Variants in WDFY4 observed in about 807,000 individuals in gnomAD.
The protein encoded by WDFY4 is WD repeat- and FYVE domain-containing protein 4.
Under a neutral mutation model 351.9 loss-of-function variants are expected in WDFY4, and 169 were observed. That is an observed-to-expected ratio of 0.48 (90% CI 0.42 to 0.55). WDFY4 has a LOEUF of 0.55. Among genes scored for constraint, WDFY4 ranks in the 20% least tolerant of loss-of-function variants. WDFY4 has a pLI of 0.00. For missense variants in WDFY4, 3,803 were observed against 3,935.6 expected (o/e 0.97, Z 0.90); for synonymous variants, 1,622 against 1,574.6 (o/e 1.03, Z -0.71).
At chr10:48,840,710 C>G (rs2068575297) in intron 39 of WDFY4, among the ~76,000 whole-genome samples, 1 of 152,184 alleles carries the variant, frequency 6.6e-6, no homozygotes, top group Non-Finnish European at 1.5e-5. Flanking sequence ...ATCACCAGTA[C>G]AGCATTAGTA....
In WDFY4 at chr10:48,805,393, G is replaced by A. The variant is rs1319542175; in HGVS notation, c.4618G>A (p.Gly1540Ser). The A allele has an allele frequency of 1.3e-6, 2 of 1,549,064 alleles. No homozygotes were observed. Among genetic ancestry groups the A allele is most frequent in the African/African-American group, 1.4e-5 (1 of 73,016 alleles). The change falls in exon 26 of 62, where the codon GGC becomes AGC. Residue 1540 changes from glycine (G) to serine (S), a missense_variant. Coordinates refer to ENST00000325239, the MANE Select transcript of WDFY4 (RefSeq NM_001394531.1). ...IIGILACQLR[G>S]HFSTQDLLRI... ...TGGCATCCTGGCCTGTCAGCTGAGG[G>A]GCCACTTCAGCACCCAGGACTTGCT...
chr10:48,765,849 T>G (rs1466316410), intron 13 of WDFY4, among the ~76,000 whole-genome samples: 1 of 152,196 alleles, frequency 6.6e-6, no homozygotes, highest in African/African-American at 2.4e-5. Context: ...ATCTAAAGGC[T>G]GCAGTGAAGA....
At chr10:48,724,377 T>G (rs1282320187) in intron 5 of WDFY4, among the ~76,000 whole-genome samples, 1 of 152,106 alleles carries the variant, frequency 6.6e-6, no homozygotes, top group Admixed American at 6.5e-5. Context: ...AGCCCATTCC[T>G]CATTTCCAGA....
At position 48,817,498 on chromosome 10, in the gene WDFY4, CT is replaced by C. The variant is rs1345984507; in HGVS notation, c.5505+90del. 5 of 1,398,508 alleles carry C rather than the reference CT, an allele frequency of 3.6e-6. 1 individual carries two copies. The highest frequency in any genetic ancestry group is 1.8e-4 in the Middle Eastern group (1 of 5,440). 86.6% of individuals were successfully genotyped at this position (1,398,508 alleles called of 1,614,324 possible). A position where few individuals can be genotyped will look rare whatever the true frequency, so the allele number is the denominator to read the frequency against. ...AAGGGCAAAATCCCTCCCCTCCCCC[CT>C]AAAATTAAAATACATTTTAAGGCAA... On this transcript the variant is annotated intron_variant, in intron 32 of 61. Transcript: ENST00000325239.
chr10:48,782,861 G>T (rs1322547439), intron 19 of WDFY4, among the ~76,000 whole-genome samples: 1 of 152,136 alleles, frequency 6.6e-6, no homozygotes. Flanking sequence ...CATTTATTAG[G>T]CAACCTGAAT....
chr10:48,834,845 C>T (rs553940666), intron 39 of WDFY4, among the ~76,000 whole-genome samples: 14 of 152,348 alleles, frequency 9.2e-5, no homozygotes, highest in African/African-American at 3.1e-4. Context: ...AGCTCAGCTG[C>T]CTCCGAGTCC....
chr10:48,959,127 G>T (rs939274414), intron 52 of WDFY4, among the ~76,000 whole-genome samples: 1 of 152,204 alleles, frequency 6.6e-6, no homozygotes, highest in Non-Finnish European at 1.5e-5. Flanking sequence ...GAAGTGGCTT[G>T]TGCAAGGTTG....
At chr10:48,800,161 A>G (rs1218809663) in intron 24 of WDFY4, among the ~76,000 whole-genome samples, 1 of 152,154 alleles carries the variant, frequency 6.6e-6, no homozygotes, top group Non-Finnish European at 1.5e-5. Context: ...TGGGATTACA[A>G]GCGTGAGCCA....
At chr10:48,870,260 AG>A (rs2069713887) in intron 40 of WDFY4, among the ~76,000 whole-genome samples, 1 of 152,150 alleles carries the variant, frequency 6.6e-6, no homozygotes, top group Non-Finnish European at 1.5e-5. Flanking sequence ...TAACTGGTCA[AG>A]TGTGGTGGCT....
chr10:48,788,919 A>G (rs1309965696), intron 21 of WDFY4, among the ~76,000 whole-genome samples: 1 of 152,256 alleles, frequency 6.6e-6, no homozygotes, highest in Non-Finnish European at 1.5e-5. Context: ...GAACAAGAAC[A>G]AATGACATAT....
intron 13 of WDFY4, among the ~76,000 whole-genome samples, chr10:48,766,670 G>A (rs569540521): frequency 8.1e-4 from 124 of 152,328 alleles, no homozygotes; most frequent in African/African-American, 2.8e-3. Context: ...TAAAAAGCAA[G>A]CTTCCATGGA....
At chr10:48,780,218 G>C in intron 19 of WDFY4, 99 bp downstream of exon 19, 1 of 1,413,416 alleles carries the variant, frequency 7.1e-7, no homozygotes, top group South Asian at 1.4e-5. Context: ...GTTGTTGTTT[G>C]TTTGTTTGTT....
At chr10:48,704,734 T>G (rs2063576993) in intron 1 of WDFY4, among the ~76,000 whole-genome samples, 1 of 152,232 alleles carries the variant, frequency 6.6e-6, no homozygotes, top group East Asian at 1.9e-4. Flanking sequence ...TGGGGGCTTC[T>G]GCTCTGGTCA....
At chr10:48,836,090 C>G (rs2068381388) in intron 39 of WDFY4, among the ~76,000 whole-genome samples, 1 of 152,230 alleles carries the variant, frequency 6.6e-6, no homozygotes, top group Admixed American at 6.5e-5. Flanking sequence ...ACAGAAGGCA[C>G]AACTTCTCAG....
intron 23 of WDFY4, among the ~76,000 whole-genome samples, chr10:48,793,112 AC>A (rs1464584174): frequency 1.3e-5 from 2 of 152,196 alleles, no homozygotes; most frequent in Non-Finnish European, 2.9e-5. Context: ...TAATCTCTTT[AC>A]TCAACTTAAT....
intron 9 of WDFY4, among the ~76,000 whole-genome samples, chr10:48,733,098 T>C (rs1234864163): frequency 6.6e-6 from 1 of 152,268 alleles, no homozygotes; most frequent in Non-Finnish European, 1.5e-5. Flanking sequence ...TTGGTGGTTC[T>C]GTCTTATCTT....
intron 47 of WDFY4, chr10:48,932,742 A>G (rs570157448): frequency 4.6e-5 from 7 of 152,184 alleles, no homozygotes; most frequent in African/African-American, 1.7e-4. Context: ...ATGATGTGAC[A>G]GAGAATGCCA....
At chr10:48,765,272 G>T (rs1589550923) in intron 13 of WDFY4, among the ~76,000 whole-genome samples, 1 of 152,302 alleles carries the variant, frequency 6.6e-6, no homozygotes, top group East Asian at 1.9e-4. Context: ...ATTTACCATA[G>T]AGGGCAGACT....
At chr10:48,788,073 A>G (rs920580023) in intron 20 of WDFY4, among the ~76,000 whole-genome samples, 1 of 147,922 alleles carries the variant, frequency 6.8e-6, no homozygotes, top group Non-Finnish European at 1.5e-5. Context: ...TGTCACCCAG[A>G]CTGGAGTGCA....
Sources: gnomAD v4.1 joint callset for allele counts (sites outside exome capture counted in the v4.1 genomes callset) on GRCh38, gnomAD v4.1.1 for gene constraint, MANE v1.5 for transcripts, NCBI Gene and HGNC (gene_info 2026-07-23, HGNC 2026-07-21) for gene names.